Variants in CNTNAP3B observed in about 807,000 individuals in gnomAD.
CNTNAP3B encodes contactin-associated protein-like 3B.
A neutral mutation model predicts 108.9 loss-of-function variants in CNTNAP3B; 25 were observed. The observed-to-expected ratio is 0.23, with a 90% confidence interval of 0.17 to 0.32. The LOEUF (loss-of-function observed/expected upper bound fraction) is 0.32. Ranked by LOEUF, CNTNAP3B falls within the 10% of genes least tolerant of loss-of-function variation. The pLI, the probability that CNTNAP3B is intolerant of heterozygous loss-of-function variation, is 1.00. For synonymous variants in CNTNAP3B, 103 were observed against 473.4 expected (o/e 0.22, Z 10.16); for missense variants, 252 against 1,210.4 (o/e 0.21, Z 11.75).
Position 41,954,983 on chromosome 9 carries a change from G to A in CNTNAP3B, c.1877-1597C>T, listed in dbSNP as rs1326809941. 3.0e-4 allele frequency among the ~76,000 whole-genome samples: 46 copies of A among 151,672 alleles called. No individual in the cohort carries two copies. In the South Asian group the frequency reaches 4.0e-3, roughly 13 times the overall value. On this transcript the variant is annotated intron_variant, in intron 12 of 23. Coordinates refer to ENST00000377561, the MANE Select transcript of CNTNAP3B (RefSeq NM_001201380.3). ...TTACAGGTGTGAGCCACCACGCCTG[G>A]CCTCATTTTAGAATTTTTACAACCT...
intron 3 of CNTNAP3B, among the ~76,000 whole-genome samples, chr9:42,043,147 A>G (rs1464324688): frequency 5.5e-5 from 7 of 127,790 alleles, no homozygotes; most frequent in Admixed American, 4.1e-4. Flanking sequence ...AAGTTTATAT[A>G]GAAATATTGA....
At chr9:42,088,958 T>A (rs1384823729) in intron 2 of CNTNAP3B, among the ~76,000 whole-genome samples, 1 of 132,356 alleles carries the variant, frequency 7.6e-6, no homozygotes, top group Non-Finnish European at 1.6e-5. Context: ...GGCTCACACC[T>A]GTAATCCCAG....
In CNTNAP3B at chr9:42,113,614, A is replaced by G. The variant is rs1828242950; in HGVS notation, c.86-8875T>C. On this transcript the variant is annotated intron_variant, in intron 1 of 23. Transcript: ENST00000377561. ...TCATCACTAATAATTGTTATTACAA[A>G]TGTATCCACAGCTGTGGGAATATAA... Among the ~76,000 whole-genome samples the G allele has an allele frequency of 1.4e-5, 2 of 140,032 alleles. 1 individual carries two copies. The highest frequency in any genetic ancestry group is 5.6e-5 in the African/African-American group (2 of 35,436). 91.9% of individuals were successfully genotyped at this position (140,032 alleles called of 152,430 possible).
chr9:41,940,120 G>C (rs975635600), intron 13 of CNTNAP3B, among the ~76,000 whole-genome samples: 2 of 152,412 alleles, frequency 1.3e-5, no homozygotes, highest in African/African-American at 4.8e-5. Flanking sequence ...CTGAGCCATA[G>C]GGTCCTATCA....
intron 20 of CNTNAP3B, 34 bp downstream of exon 20, chr9:41,906,820 T>A (rs1191735389): frequency 1.6e-6 from 1 of 636,074 alleles, no homozygotes; most frequent in African/African-American, 1.8e-5. Context: ...AATAATAATA[T>A]TAGTTAGTTT....
chr9:41,913,663 A>C, intron 18 of CNTNAP3B, among the ~76,000 whole-genome samples: 1 of 139,796 alleles, frequency 7.2e-6, no homozygotes, highest in Admixed American at 7.0e-5. Context: ...TTCATTAAGC[A>C]ATAACTCTCC....
intron 13 of CNTNAP3B, among the ~76,000 whole-genome samples, chr9:41,942,137 C>T: frequency 6.6e-6 from 1 of 152,398 alleles, no homozygotes; most frequent in Non-Finnish European, 1.5e-5. Flanking sequence ...AGGTCACAGT[C>T]CAGGAAGACA....
chr9:41,956,615 A>G (rs1332130741), intron 12 of CNTNAP3B, among the ~76,000 whole-genome samples: 1 of 148,866 alleles, frequency 6.7e-6, no homozygotes, highest in African/African-American at 2.5e-5. Flanking sequence ...TGTTGTCAGG[A>G]GCATACATAT....
intron 3 of CNTNAP3B, among the ~76,000 whole-genome samples, chr9:42,066,465 T>C (rs1162667701): frequency 2.8e-5 from 3 of 105,478 alleles, no homozygotes; most frequent in Non-Finnish European, 5.8e-5. Flanking sequence ...TCACTCTTGT[T>C]GCCCAGGTTA....
intron 10 of CNTNAP3B, among the ~76,000 whole-genome samples, chr9:41,968,583 G>A (rs1404725123): frequency 2.1e-5 from 3 of 143,432 alleles, no homozygotes; most frequent in East Asian, 4.0e-4. Context: ...TTCACAGGGG[G>A]AAATTATTCC....
chr9:41,955,196 G>T (rs1230961963), intron 12 of CNTNAP3B, among the ~76,000 whole-genome samples: 1 of 147,634 alleles, frequency 6.8e-6, no homozygotes, highest in Non-Finnish European at 1.5e-5. Flanking sequence ...AGTTCACATA[G>T]GCTGGTGGGC....
chr9:41,997,374 T>G (rs1825918866), intron 6 of CNTNAP3B, among the ~76,000 whole-genome samples, 194 bp downstream of exon 6: 1 of 152,210 alleles, frequency 6.6e-6, no homozygotes, highest in South Asian at 2.1e-4. Context: ...TGTTTACTTC[T>G]TTTCAAGGTG....
Position 42,097,896 on chromosome 9 carries a change from G to A in CNTNAP3B, c.196+6733C>T, listed in dbSNP as rs1314267330. On this transcript the variant is annotated intron_variant, in intron 2 of 23. Transcript: ENST00000377561. ...ATTAGGGAAAGCTTCAAAAGTTGAAGTCCAATCATGGGACTTTCAAAATAA... is the reference window on the plus strand; with the variant it reads ...ATTAGGGAAAGCTTCAAAAGTTGAAATCCAATCATGGGACTTTCAAAATAA... Among the ~76,000 whole-genome samples, 7 of 138,928 alleles carry A rather than the reference G, an allele frequency of 5.0e-5. 1 individual carries two copies. Among genetic ancestry groups the A allele is most frequent in the African/African-American group, 2.0e-4 (7 of 34,962 alleles). The allele number at this position is 138,928 out of a possible 152,430, so 91.1% of individuals were successfully genotyped here. A position where few individuals can be genotyped will look rare whatever the true frequency, so the allele number is the denominator to read the frequency against.
chr9:41,958,177 G>A (rs1371436353), intron 12 of CNTNAP3B, among the ~76,000 whole-genome samples: 2 of 151,738 alleles, frequency 1.3e-5, no homozygotes, highest in African/African-American at 4.8e-5. Flanking sequence ...GTGTGACCAT[G>A]GCTCACTGCA....
At chr9:41,941,824 G>C (rs1328265294) in intron 13 of CNTNAP3B, among the ~76,000 whole-genome samples, 2 of 151,134 alleles carry the variant, frequency 1.3e-5, no homozygotes, top group African/African-American at 2.4e-5. Flanking sequence ...TCCTAGAGTG[G>C]GGGATACGCC....
chr9:41,925,804 C>T (rs1416255035), intron 15 of CNTNAP3B, among the ~76,000 whole-genome samples: 104 of 151,918 alleles, frequency 6.8e-4, no homozygotes, highest in Non-Finnish European at 1.2e-3. Flanking sequence ...CTTTTTTTTT[C>T]CCCTTTGTCA....
intron 11 of CNTNAP3B, among the ~76,000 whole-genome samples, chr9:41,963,244 G>A (rs1441863032): frequency 6.6e-6 from 1 of 152,272 alleles, no homozygotes; most frequent in Non-Finnish European, 1.5e-5. Flanking sequence ...TAGGAACTCA[G>A]GATGAGCAAG....
At chr9:42,076,443 A>AC (rs1431530148) in intron 3 of CNTNAP3B, among the ~76,000 whole-genome samples, 15 of 96,876 alleles carry the variant, frequency 1.5e-4, no homozygotes, top group Non-Finnish European at 2.5e-4. Context: ...AAAAAAAAAA[A>AC]AACAAGAAAA....
chr9:41,961,034 A>T, intron 11 of CNTNAP3B, 142 bp from the exon 12 acceptor site: 1 of 1,477,640 alleles, frequency 6.8e-7, no homozygotes, highest in Non-Finnish European at 9.0e-7. Flanking sequence ...AGTATATTTG[A>T]TGAGATGCAA....
Sources: gnomAD v4.1 joint callset for allele counts (sites outside exome capture counted in the v4.1 genomes callset) on GRCh38, gnomAD v4.1.1 for gene constraint, MANE v1.5 for transcripts, NCBI Gene and HGNC (gene_info 2026-07-23, HGNC 2026-07-21) for gene names.